The following KMT2C variants were observed in gnomAD, a reference collection of about 807,000 sequenced individuals.
KMT2C encodes the protein histone-lysine N-methyltransferase 2C.
In KMT2C, 88 loss-of-function variants were observed where a neutral mutation model predicts 507.9. That is an observed-to-expected ratio of 0.17 (90% CI 0.15 to 0.21). The LOEUF (loss-of-function observed/expected upper bound fraction) is 0.21. Ranked by LOEUF, KMT2C falls within the 10% of genes least tolerant of loss-of-function variation. The pLI is 1.00. For synonymous variants in KMT2C, 2,049 were observed against 2,080.8 expected (o/e 0.98, Z 0.42); for missense variants, 4,954 against 5,957.8 (o/e 0.83, Z 5.55).
At chr7:152,310,673 G>T (rs939242295) in intron 5 of KMT2C, among the ~76,000 whole-genome samples, 19 of 151,522 alleles carry the variant, frequency 1.3e-4, no homozygotes, top group South Asian at 6.3e-4. Context: ...GTTTTTTTTT[G>T]TTGTTGTTGT....
chr7:152,358,404 GAGAT>G (rs1044478562), intron 2 of KMT2C, among the ~76,000 whole-genome samples, 179 bp downstream of exon 2: 27 of 152,146 alleles, frequency 1.8e-4, no homozygotes, highest in African/African-American at 6.3e-4. Flanking sequence ...GGAAAAAAGA[GAGAT>G]AGAGGGCTCA....
chr7:152,375,647 A>G lies in KMT2C; in HGVS notation c.162-16972T>C, dbSNP rs568324748. Among the ~76,000 whole-genome samples the G allele has an allele frequency of 1.3e-4, 20 of 152,254 alleles. No individual in the cohort carries two copies. The East Asian group carries it at 3.9e-3, about 29-fold the overall frequency. ...GTGATCCACCCGCCTCAGCCTCCCA[A>G]GTGCTGGGATTACAGGTGTGAGCCA... is the stretch of plus-strand genomic sequence containing the variant. On this transcript the variant is annotated intron_variant, in intron 1 of 58. Coordinates refer to ENST00000262189, the MANE Select transcript of KMT2C (RefSeq NM_170606.3).
chr7:152,198,056 G>A (rs962212346), intron 27 of KMT2C, among the ~76,000 whole-genome samples: 4 of 152,214 alleles, frequency 2.6e-5, no homozygotes, highest in African/African-American at 7.2e-5. Flanking sequence ...AGTTATGAGA[G>A]TTATAAGATA....
intron 9 of KMT2C, among the ~76,000 whole-genome samples, chr7:152,259,376 C>T (rs867338555): frequency 1.0e-3 from 152 of 148,876 alleles, no homozygotes; most frequent in African/African-American, 3.6e-3. Context: ...AAAGGCACAA[C>T]GTATGTAATT....
intron 39 of KMT2C, among the ~76,000 whole-genome samples, chr7:152,173,221 C>G (rs1426900674): frequency 6.6e-6 from 1 of 152,162 alleles, no homozygotes; most frequent in Admixed American, 6.5e-5. Flanking sequence ...ATTCAAATTT[C>G]TTTGAAATAT....
intron 1 of KMT2C, among the ~76,000 whole-genome samples, chr7:152,418,586 C>T (rs932586308): frequency 1.3e-5 from 2 of 151,950 alleles, no homozygotes; most frequent in Non-Finnish European, 2.9e-5. Context: ...CGCATGCCAC[C>T]ACACCTGGCT....
chr7:152,154,478 G>A (rs2129098913), intron 46 of KMT2C, 33 bp from the exon 47 acceptor site: 2 of 1,597,288 alleles, frequency 1.3e-6, no homozygotes, highest in Non-Finnish European at 1.7e-6. Flanking sequence ...ATCAAAGTCT[G>A]CAAATCCACC....
At chr7:152,242,492 G>A (rs2095405711) in intron 14 of KMT2C, among the ~76,000 whole-genome samples, 1 of 152,042 alleles carries the variant, frequency 6.6e-6, no homozygotes, top group Non-Finnish European at 1.5e-5. Flanking sequence ...GTTGTAAATA[G>A]AATCAACTTG....
chr7:152,136,971 A>G, intron 58 of KMT2C, 47 bp from the exon 59 acceptor site: 1 of 1,435,030 alleles, frequency 7.0e-7, no homozygotes. Flanking sequence ...CAAGGAAGGC[A>G]ATAGCGTTTC....
In KMT2C at chr7:152,179,938, A is replaced by C. The variant is rs369973213; in HGVS notation, c.7338T>G (p.Pro2446=). The C allele has an allele frequency of 1.9e-6, 3 of 1,614,068 alleles. No homozygotes were observed. The East Asian group carries it at 6.7e-5, about 36-fold the overall frequency. The change falls in exon 37 of 59, where the codon CCT becomes CCG. Residue 2446 remains proline (P), a synonymous_variant. Coordinates refer to ENST00000262189, the MANE Select transcript of KMT2C (RefSeq NM_170606.3). The part of the protein sequence containing the change: ...PPPYPGNIRS[P]VAPPLGPRYA... ...ATCTAGGTCCTAAAGGAGGGGCAAC[A>C]GGAGACCTAATGTTCCCAGGATAGG...
At chr7:152,209,514 T>C (rs1304769094) in intron 23 of KMT2C, among the ~76,000 whole-genome samples, 5 of 146,068 alleles carry the variant, frequency 3.4e-5, no homozygotes, top group Admixed American at 3.4e-4. Context: ...ACTAAATTCA[T>C]ATGTTAAAAT....
chr7:152,299,736 A>C (rs1303234420), intron 6 of KMT2C, among the ~76,000 whole-genome samples: 1 of 151,794 alleles, frequency 6.6e-6, no homozygotes, highest in Non-Finnish European at 1.5e-5. Flanking sequence ...TTAAATGTAC[A>C]TGGTCTAAAT....
chr7:152,166,884 C>T (rs1196057165), intron 42 of KMT2C, among the ~76,000 whole-genome samples: 3 of 152,096 alleles, frequency 2.0e-5, no homozygotes, highest in Admixed American at 6.5e-5. Context: ...AATAGTTCTT[C>T]GAAGTCGAAA....
chr7:152,142,580 G>A (rs545117506), intron 55 of KMT2C, among the ~76,000 whole-genome samples: 3 of 152,346 alleles, frequency 2.0e-5, no homozygotes, highest in Admixed American at 6.5e-5. Context: ...GAAACCTCAC[G>A]TTTGGGAATA....
chr7:152,263,923 C>A (rs1031286321), intron 8 of KMT2C, among the ~76,000 whole-genome samples: 1 of 152,092 alleles, frequency 6.6e-6, no homozygotes, highest in African/African-American at 2.4e-5. Flanking sequence ...GCAAGAAGAG[C>A]TGAGAGAGGA....
At chr7:152,244,010 A>C (rs111685367) in intron 14 of KMT2C, among the ~76,000 whole-genome samples, 37 of 152,332 alleles carry the variant, frequency 2.4e-4, no homozygotes, top group African/African-American at 8.7e-4. Flanking sequence ...TTATCTCAGA[A>C]TTTCCTAATT....
At chr7:152,152,978 A>G in intron 48 of KMT2C, 24 bp from the exon 49 acceptor site, 1 of 1,610,972 alleles carries the variant, frequency 6.2e-7, no homozygotes. Flanking sequence ...CAAATGCTGT[A>G]TTATTCACCC....
intron 1 of KMT2C, among the ~76,000 whole-genome samples, chr7:152,400,466 G>A (rs996485965): frequency 6.6e-6 from 1 of 152,120 alleles, no homozygotes; most frequent in African/African-American, 2.4e-5. Flanking sequence ...GGCTCTAAAG[G>A]GATGGATGAA....
intron 5 of KMT2C, among the ~76,000 whole-genome samples, 181 bp from the exon 6 acceptor site, chr7:152,310,256 CA>C (rs1323976675): frequency 2.0e-5 from 3 of 152,216 alleles, no homozygotes; most frequent in Admixed American, 6.5e-5. Flanking sequence ...GTGCCAGTAT[CA>C]ATATCAAACT....
Sources: allele counts gnomAD v4.1 joint callset (sites outside exome capture counted in the v4.1 genomes callset), GRCh38; gene constraint gnomAD v4.1.1; transcripts MANE v1.5; gene names NCBI Gene and HGNC (gene_info 2026-07-23, HGNC 2026-07-21).